Variants in FAM227B observed in about 807,000 individuals in gnomAD.
FAM227B encodes family with sequence similarity 227 member B.
FAM227B carries 88 observed loss-of-function variants against 73.8 expected under a neutral mutation model. That is an observed-to-expected ratio of 1.19 (90% CI 1.00 to 1.42). FAM227B has a LOEUF of 1.42. FAM227B is among the 40% of genes most tolerant of loss of function. The pLI is 0.00. For synonymous variants in FAM227B, 210 were observed against 190.5 expected (o/e 1.10, Z -0.84); for missense variants, 632 against 590.9 (o/e 1.07, Z -0.72).
At chr15:49,355,572 A>G (rs2043012527) in intron 13 of FAM227B, among the ~76,000 whole-genome samples, 1 of 152,244 alleles carries the variant, frequency 6.6e-6, no homozygotes, top group Non-Finnish European at 1.5e-5. Context: ...CAAAGCCTCC[A>G]AGAAATATGG....
intron 8 of FAM227B, among the ~76,000 whole-genome samples, chr15:49,571,471 G>A (rs2075099478): frequency 6.6e-6 from 1 of 151,812 alleles, no homozygotes; most frequent in Non-Finnish European, 1.5e-5. Flanking sequence ...TCTTCTAGTA[G>A]TTTTACAGTT....
chr15:49,400,837 T>C (rs1470149994), intron 11 of FAM227B, among the ~76,000 whole-genome samples: 2 of 150,842 alleles, frequency 1.3e-5, no homozygotes, highest in Admixed American at 1.3e-4. Flanking sequence ...TTACACCTTA[T>C]ACAAAAATCA....
intron 11 of FAM227B, among the ~76,000 whole-genome samples, chr15:49,421,030 G>A (rs770047401): frequency 2.3e-4 from 35 of 151,992 alleles, no homozygotes; most frequent in Non-Finnish European, 4.4e-4. Context: ...AGCCAGCAAT[G>A]GTGTGTTAAA....
chr15:49,372,839 A>C (rs2045934367), intron 11 of FAM227B, among the ~76,000 whole-genome samples: 1 of 152,140 alleles, frequency 6.6e-6, no homozygotes. Context: ...AAAGAAAGTT[A>C]CTTGGGTTGA....
At chr15:49,497,122 C>A (rs2057686095) in intron 11 of FAM227B, among the ~76,000 whole-genome samples, 1 of 152,158 alleles carries the variant, frequency 6.6e-6, no homozygotes, top group Non-Finnish European at 1.5e-5. Flanking sequence ...TAGAAATATT[C>A]TACTCACCTC....
At chr15:49,526,342 T>G (rs1198238148) in intron 10 of FAM227B, among the ~76,000 whole-genome samples, 1 of 151,966 alleles carries the variant, frequency 6.6e-6, no homozygotes, top group African/African-American at 2.4e-5. Context: ...TAAAAAAATT[T>G]TGAAATCAAT....
rs548306069 is a variant in FAM227B at position 49,476,758 on chromosome 15, C to CA, written c.1012+31452dup. ...GTATTTTAGAACACTTTTAGATTTACAAAAAAAATTGAGCAGATAGGCCAG... is the reference window on the plus strand; with the variant it reads ...GTATTTTAGAACACTTTTAGATTTACAAAAAAAAATTGAGCAGATAGGCCAG... On this transcript the variant is annotated intron_variant, in intron 11 of 15. Coordinates refer to ENST00000299338, the MANE Select transcript of FAM227B (RefSeq NM_152647.3). 3.3e-5 allele frequency among the ~76,000 whole-genome samples: 5 copies of CA among 151,860 alleles called. 1 individual carries two copies. In the South Asian group the frequency reaches 1.0e-3, roughly 32 times the overall value.
At chr15:49,341,746 G>C (rs1001102080) in intron 13 of FAM227B, among the ~76,000 whole-genome samples, 2 of 152,022 alleles carry the variant, frequency 1.3e-5, no homozygotes, top group Non-Finnish European at 2.9e-5. Context: ...GTATGTTCTG[G>C]TTCTGTTTTC....
chr15:49,335,726 T>G (rs921161192), intron 13 of FAM227B, among the ~76,000 whole-genome samples: 5 of 152,370 alleles, frequency 3.3e-5, no homozygotes, highest in Admixed American at 3.3e-4. Context: ...CATAGGGCAC[T>G]ATGATTTAAT....
At chr15:49,569,271 G>A (rs2074914064) in intron 8 of FAM227B, among the ~76,000 whole-genome samples, 1 of 151,408 alleles carries the variant, frequency 6.6e-6, no homozygotes, top group Admixed American at 6.6e-5. Flanking sequence ...TTTTTTAATA[G>A]TCATTCTAGC....
chr15:49,520,794 AT>A (rs2059727392), intron 10 of FAM227B, among the ~76,000 whole-genome samples: 1 of 152,094 alleles, frequency 6.6e-6, no homozygotes. Context: ...TCAAGATGAG[AT>A]TTGCGTGGGG....
chr15:49,377,550 A>ATTT (rs2046250337), intron 11 of FAM227B, among the ~76,000 whole-genome samples: 1 of 151,996 alleles, frequency 6.6e-6, no homozygotes, highest in African/African-American at 2.4e-5. Flanking sequence ...GAAATAAACC[A>ATTT]TTTCAAGTGG....
rs1596640035 is a variant in FAM227B, at chr15:49,370,241, A to G, written c.1110+1061T>C. Among the ~76,000 whole-genome samples, 10 of 152,378 alleles carry G rather than the reference A, an allele frequency of 6.6e-5. No individual in the cohort carries two copies. The South Asian group carries it at 2.1e-3, about 32-fold the overall frequency. On this transcript the variant is annotated intron_variant, in intron 12 of 15. Transcript: ENST00000299338. Reference sequence around the variant, plus strand: ...AAATGCAGCAATGTGCTATACTACTAAAGATGTATTTCCAATTTCTATCTG... The same window carrying G: ...AAATGCAGCAATGTGCTATACTACTGAAGATGTATTTCCAATTTCTATCTG...
intron 11 of FAM227B, among the ~76,000 whole-genome samples, chr15:49,461,394 A>T (rs2053782562): frequency 6.6e-6 from 1 of 152,252 alleles, no homozygotes; most frequent in Non-Finnish European, 1.5e-5. Context: ...GAAAAACATT[A>T]AATACATATT....
chr15:49,392,554 G>T (rs2047287202), intron 11 of FAM227B, among the ~76,000 whole-genome samples: 1 of 152,174 alleles, frequency 6.6e-6, no homozygotes, highest in Non-Finnish European at 1.5e-5. Context: ...GCAAGACAAT[G>T]AACAGACCAC....
intron 10 of FAM227B, among the ~76,000 whole-genome samples, chr15:49,519,659 C>A (rs567794139): frequency 6.6e-6 from 1 of 152,228 alleles, no homozygotes; most frequent in African/African-American, 2.4e-5. Flanking sequence ...GCACCAAGTC[C>A]CAAGACTGCA....
intron 11 of FAM227B, among the ~76,000 whole-genome samples, chr15:49,427,522 G>C (rs2050229612): frequency 1.3e-5 from 2 of 151,918 alleles, no homozygotes; most frequent in African/African-American, 4.8e-5. Context: ...TTTTAAGTTA[G>C]TATAGATTTT....
intron 13 of FAM227B, among the ~76,000 whole-genome samples, chr15:49,342,851 C>A (rs1482117776): frequency 7.2e-5 from 11 of 152,106 alleles, no homozygotes; most frequent in African/African-American, 2.4e-4. Flanking sequence ...TGAAAATAGG[C>A]CCCCAATCTC....
Position 49,508,219 on chromosome 15 carries a change from A to G in FAM227B, c.1004T>C (p.Ile335Thr), listed in dbSNP as rs751306997. 3.7e-6 allele frequency: 6 copies of G among 1,606,348 alleles called. No individual in the cohort carries two copies. Among genetic ancestry groups the G allele is most frequent in the Admixed American group, 3.4e-5 (2 of 58,244 alleles). ...ACAGAAACTTTACTTACTAGTTGAT[A>G]TATGTTCTTGACTGTCTGCAATTCT... is the stretch of plus-strand genomic sequence containing the variant. ...KERIADSQEH[I>T]STSIDFNIIK... Residue 335 changes from isoleucine (I) to threonine (T), a missense_variant, in exon 11 of 16, where the codon ATA (isoleucine) becomes ACA (threonine). Ile to Thr is a moderately conservative substitution (Grantham distance 89, BLOSUM62 -1). Coordinates refer to ENST00000299338, the MANE Select transcript of FAM227B (RefSeq NM_152647.3).
Sources: allele counts gnomAD v4.1 joint callset (sites outside exome capture counted in the v4.1 genomes callset), GRCh38; gene constraint gnomAD v4.1.1; transcripts MANE v1.5; gene names NCBI Gene and HGNC (gene_info 2026-07-23, HGNC 2026-07-21).